Variants in XYLT1 observed in about 807,000 individuals in gnomAD.
XYLT1 encodes the protein xylosyltransferase 1.
Under a neutral mutation model 91.3 loss-of-function variants are expected in XYLT1, and 36 were observed. That is an observed-to-expected ratio of 0.39 (90% CI 0.30 to 0.52). The LOEUF (loss-of-function observed/expected upper bound fraction) is 0.52, where lower values mean the gene tolerates loss of function less well. Among genes scored for constraint, XYLT1 ranks in the 20% least tolerant of loss-of-function variants. XYLT1 has a pLI of 0.68. For missense variants in XYLT1, 1,242 were observed against 1,284.5 expected (o/e 0.97, Z 0.51); for synonymous variants, 588 against 532.0 (o/e 1.11, Z -1.45).
chr16:17,340,787 G>C (rs932763716), intron 2 of XYLT1, among the ~76,000 whole-genome samples: 1 of 152,214 alleles, frequency 6.6e-6, no homozygotes, highest in Non-Finnish European at 1.5e-5. Context: ...CTGGCACATA[G>C]TAAATGCTCA....
chr16:17,166,418 C>A (rs976243600), intron 5 of XYLT1, among the ~76,000 whole-genome samples: 2 of 152,100 alleles, frequency 1.3e-5, no homozygotes, highest in Admixed American at 6.6e-5. Context: ...TTAATGCAAG[C>A]CCAAGTAGAG....
At chr16:17,426,836 TTAAG>T (rs1472747497) in intron 1 of XYLT1, among the ~76,000 whole-genome samples, 1 of 151,848 alleles carries the variant, frequency 6.6e-6, no homozygotes, top group Non-Finnish European at 1.5e-5. Context: ...AGGAAAAACT[TTAAG>T]TAGGGTGAAA....
chr16:17,394,819 A>G (rs1456138677), intron 1 of XYLT1, among the ~76,000 whole-genome samples: 8 of 152,164 alleles, frequency 5.3e-5, no homozygotes, highest in Non-Finnish European at 1.0e-4. Flanking sequence ...AATGAAACAG[A>G]GTATATAAAG....
chr16:17,256,667 A>T (rs1351738732), intron 3 of XYLT1, among the ~76,000 whole-genome samples: 1 of 151,894 alleles, frequency 6.6e-6, no homozygotes, highest in East Asian at 1.9e-4. Flanking sequence ...AAACAAAAAA[A>T]AGAGTAGCGA....
At chr16:17,445,583 G>A (rs982833542) in intron 1 of XYLT1, among the ~76,000 whole-genome samples, 2 of 152,304 alleles carry the variant, frequency 1.3e-5, no homozygotes, top group African/African-American at 2.4e-5. Flanking sequence ...TCTTTTGAGC[G>A]ACTCTCACTA....
intron 7 of XYLT1, 46 bp downstream of exon 7, chr16:17,141,107 A>G: frequency 6.3e-7 from 1 of 1,587,954 alleles, no homozygotes; most frequent in Non-Finnish European, 8.6e-7. Flanking sequence ...CACAAAGGCT[A>G]GAACAAGCCC....
intron 5 of XYLT1, among the ~76,000 whole-genome samples, chr16:17,163,819 C>T (rs920589430): frequency 1.3e-5 from 2 of 151,898 alleles, no homozygotes; most frequent in East Asian, 1.9e-4. Context: ...GAGGCCAAGG[C>T]GGGTGGATCA....
At chr16:17,405,648 C>G (rs1212343271) in intron 1 of XYLT1, among the ~76,000 whole-genome samples, 1 of 152,148 alleles carries the variant, frequency 6.6e-6, no homozygotes, top group Non-Finnish European at 1.5e-5. Flanking sequence ...GTGGTGCCCT[C>G]GTGAGCTGGG....
intron 3 of XYLT1, among the ~76,000 whole-genome samples, chr16:17,239,406 G>GTCCATCCATCCATGA (rs1211911230): frequency 7.2e-6 from 1 of 138,144 alleles, no homozygotes; most frequent in African/African-American, 2.8e-5. Context: ...CACCCACCCA[G>GTCCATCCATCCATGA]TCCATCCATC....
chr16:17,426,968 G>A (rs774666978), intron 1 of XYLT1, among the ~76,000 whole-genome samples: 4 of 152,218 alleles, frequency 2.6e-5, no homozygotes, highest in Non-Finnish European at 5.9e-5. Context: ...AAGTGCAAGG[G>A]CCCTGAGGCA....
chr16:17,368,492 A>T (rs2035483306), intron 1 of XYLT1, among the ~76,000 whole-genome samples: 1 of 151,426 alleles, frequency 6.6e-6, no homozygotes, highest in South Asian at 2.1e-4. Flanking sequence ...TATGAGCATT[A>T]CTTCAATAAA....
At position 17,470,335 on chromosome 16, in the gene XYLT1, T is replaced by TC. The variant is rs1358201403; in HGVS notation, c.363+98dup. On this transcript the variant is annotated intron_variant, in intron 1 of 11. Transcript: ENST00000261381. The stretch of plus-strand genomic sequence containing the variant: ...ATGTGGAGTCGGTAGGCTTGCAGAG[T>TC]CCCAGTCTGATGACCGAGTTCAAGG... 6.1e-5 allele frequency: 72 copies of TC among 1,183,166 alleles called. No individual in the cohort carries two copies. In the East Asian group the frequency reaches 2.4e-3, roughly 40 times the overall value. 73.3% of individuals were successfully genotyped at this position (1,183,166 alleles called of 1,614,324 possible).
At chr16:17,369,788 G>T (rs570279445) in intron 1 of XYLT1, 2 of 152,346 alleles carry the variant, frequency 1.3e-5, no homozygotes, top group African/African-American at 4.8e-5. Context: ...ACAGGAAGAG[G>T]TTCTTAGCAC....
intron 3 of XYLT1, among the ~76,000 whole-genome samples, chr16:17,229,432 T>A (rs1314858274): frequency 6.6e-6 from 1 of 152,166 alleles, no homozygotes; most frequent in Non-Finnish European, 1.5e-5. Context: ...CTGATCTCTA[T>A]CAGACCACGA....
chr16:17,432,076 G>A lies in XYLT1; in HGVS notation c.363+38358C>T, dbSNP rs115875597. ...AACCTCTTCACCATCCAGTTTATAA[G>A]AAGATAAAAAAAAAATGGCTGGTTC... On this transcript the variant is annotated intron_variant, in intron 1 of 11. Transcript: ENST00000261381. Among the ~76,000 whole-genome samples the A allele has an allele frequency of 5.1e-3, 773 of 151,978 alleles. 3 individuals are homozygous for A. Among genetic ancestry groups the A allele is most frequent in the African/African-American group, 0.017 (725 of 41,464 alleles).
At chr16:17,442,528 T>G (rs1488535914) in intron 1 of XYLT1, among the ~76,000 whole-genome samples, 1 of 152,144 alleles carries the variant, frequency 6.6e-6, no homozygotes, top group African/African-American at 2.4e-5. Flanking sequence ...TTGCCCCACA[T>G]ATTTAAGTTG....
chr16:17,342,070 C>T (rs933748378), intron 2 of XYLT1, among the ~76,000 whole-genome samples: 7 of 152,196 alleles, frequency 4.6e-5, no homozygotes, highest in African/African-American at 1.7e-4. Flanking sequence ...CTGAAGACTT[C>T]CCAGTGTGGA....
intron 2 of XYLT1, among the ~76,000 whole-genome samples, chr16:17,292,288 G>C (rs1020730897): frequency 6.6e-5 from 10 of 152,140 alleles, no homozygotes; most frequent in African/African-American, 2.4e-4. Flanking sequence ...TGAGAGATAT[G>C]AATTGTCTTT....
At chr16:17,254,594 C>T (rs1020326325) in intron 3 of XYLT1, among the ~76,000 whole-genome samples, 4 of 152,048 alleles carry the variant, frequency 2.6e-5, no homozygotes, top group African/African-American at 9.7e-5. Flanking sequence ...AGGGTTTTAC[C>T]ATGTGGCCCA....
Sources: allele counts gnomAD v4.1 joint callset (sites outside exome capture counted in the v4.1 genomes callset), GRCh38; gene constraint gnomAD v4.1.1; transcripts MANE v1.5; gene names NCBI Gene and HGNC (gene_info 2026-07-23, HGNC 2026-07-21).